Variants in CDC42BPA observed in about 807,000 individuals in gnomAD.
The protein encoded by CDC42BPA is CDC42 binding protein kinase alpha.
A neutral mutation model predicts 223.5 loss-of-function variants in CDC42BPA; 80 were observed. The ratio of observed to expected loss-of-function variants is 0.36; its 90% CI spans 0.30 to 0.43. The LOEUF is 0.43. CDC42BPA is among the 20% of genes least tolerant of loss of function. The pLI, the probability that CDC42BPA is intolerant of heterozygous loss-of-function variation, is 1.00. For synonymous variants in CDC42BPA, 694 were observed against 718.6 expected (o/e 0.97, Z 0.55); for missense variants, 1,743 against 2,099.9 (o/e 0.83, Z 3.32).
intron 1 of CDC42BPA, among the ~76,000 whole-genome samples, chr1:227,261,802 A>G (rs752998482): frequency 1.3e-5 from 2 of 152,038 alleles, no homozygotes; most frequent in African/African-American, 2.4e-5. Context: ...CCCTTTCCCC[A>G]TGTCAGGGAA....
intron 4 of CDC42BPA, among the ~76,000 whole-genome samples, chr1:227,197,842 T>G (rs1453001487): frequency 6.6e-6 from 1 of 152,164 alleles, no homozygotes; most frequent in African/African-American, 2.4e-5. Context: ...GTGTTTTAAT[T>G]TGTTCTTACA....
At chr1:227,207,028 C>A (rs1672861845) in intron 3 of CDC42BPA, among the ~76,000 whole-genome samples, 1 of 149,218 alleles carries the variant, frequency 6.7e-6, no homozygotes, top group Non-Finnish European at 1.5e-5. Flanking sequence ...TGTGCTGCAC[C>A]CATTAACTCG....
In CDC42BPA at chr1:226,994,324, G is replaced by A. The variant is rs748969764; in HGVS notation, c.5209C>T (p.Arg1737Ter). 13 of 1,598,636 alleles carry A rather than the reference G, an allele frequency of 8.1e-6. No individual in the cohort carries two copies. The highest frequency in any genetic ancestry group is 3.4e-5 in the South Asian group (3 of 88,648). The change falls in exon 37 of 37, where the codon CGA (arginine) becomes TGA (stop). Residue 1737 changes from arginine (R) to a stop codon, truncating the protein, a stop_gained. Coordinates refer to ENST00000366766, the MANE Select transcript of CDC42BPA (RefSeq NM_001394014.1). LOFTEE classifies it high-confidence loss of function. The surrounding 1 kb of genome is among the most constrained non-coding windows in gnomAD (Gnocchi z 4.0). ...LSSPPSPASP[R>*]KTKSLSLEST... ...TCCAGGGAGAGGCTCTTGGTTTTTC[G>A]GGGTGAAGCTGGGCTTGGGGGGCTG... is the stretch of plus-strand genomic sequence containing the variant.
intron 3 of CDC42BPA, among the ~76,000 whole-genome samples, chr1:227,204,925 A>C (rs1483483943): frequency 2.0e-5 from 3 of 150,368 alleles, no homozygotes; most frequent in Non-Finnish European, 3.0e-5. Context: ...AACAATCTAA[A>C]TTCCCATAAA....
At chr1:227,237,336 A>T (rs1039430758) in intron 2 of CDC42BPA, among the ~76,000 whole-genome samples, 1 of 152,186 alleles carries the variant, frequency 6.6e-6, no homozygotes, top group African/African-American at 2.4e-5. Context: ...CCCACTTATA[A>T]GTGTCACTCC....
chr1:227,266,549 T>C (rs1685035912), intron 1 of CDC42BPA, among the ~76,000 whole-genome samples: 1 of 152,216 alleles, frequency 6.6e-6, no homozygotes, highest in Non-Finnish European at 1.5e-5. Context: ...TTAAAAAATA[T>C]TAAGCATGAA....
At chr1:227,178,208 G>A (rs960296522) in intron 5 of CDC42BPA, 44 of 152,380 alleles carry the variant, frequency 2.9e-4, no homozygotes, top group African/African-American at 1.0e-3. Context: ...ATTCCCACAT[G>A]TTGTGGGAGG....
intron 5 of CDC42BPA, among the ~76,000 whole-genome samples, chr1:227,184,127 T>C (rs1381793194): frequency 6.6e-6 from 1 of 152,182 alleles, no homozygotes; most frequent in African/African-American, 2.4e-5. Flanking sequence ...ACAACTATTT[T>C]CTCCCACTTT....
intron 16 of CDC42BPA, among the ~76,000 whole-genome samples, chr1:227,085,513 T>C (rs1022211972): frequency 4.6e-5 from 7 of 152,270 alleles, no homozygotes; most frequent in African/African-American, 1.7e-4. Flanking sequence ...CAGGATTTTA[T>C]TGGTGTGCAT....
At chr1:227,203,712 TTCAGC>T (rs1672194496) in intron 3 of CDC42BPA, among the ~76,000 whole-genome samples, 1 of 152,224 alleles carries the variant, frequency 6.6e-6, no homozygotes, top group Non-Finnish European at 1.5e-5. Context: ...CATCCAAACA[TTCAGC>T]TTGCCACAGT....
chr1:227,106,595 T>C (rs755962594), intron 14 of CDC42BPA, among the ~76,000 whole-genome samples: 1 of 152,178 alleles, frequency 6.6e-6, no homozygotes, highest in Non-Finnish European at 1.5e-5. Context: ...CCTCCTCTTC[T>C]ATTTTAAAAA....
chr1:227,253,987 T>C (rs1054196776), intron 2 of CDC42BPA, 77 bp downstream of exon 2: 2 of 810,192 alleles, frequency 2.5e-6, no homozygotes, highest in African/African-American at 1.7e-5. Context: ...TAACAATACT[T>C]GTTAAATTCT....
chr1:227,315,703 G>C (rs1694257825), intron 1 of CDC42BPA, among the ~76,000 whole-genome samples: 1 of 151,986 alleles, frequency 6.6e-6, no homozygotes, highest in Non-Finnish European at 1.5e-5. Flanking sequence ...CAGTACCAAA[G>C]CCAAAATTGT....
At chr1:227,132,115 A>ACCCTCT (rs11278964) in intron 10 of CDC42BPA, among the ~76,000 whole-genome samples, 35 of 151,102 alleles carry the variant, frequency 2.3e-4, no homozygotes, top group Admixed American at 7.2e-4. Context: ...AAGAAATTCA[A>ACCCTCT]CCCTCTCCCT....
intron 1 of CDC42BPA, among the ~76,000 whole-genome samples, chr1:227,273,251 T>C (rs376645259): frequency 1.3e-5 from 2 of 150,264 alleles, no homozygotes; most frequent in Non-Finnish European, 3.0e-5. Context: ...TGAGTCGAGA[T>C]TGCACCACTG....
chr1:227,249,296 G>T (rs1467982094), intron 2 of CDC42BPA, among the ~76,000 whole-genome samples: 1 of 152,166 alleles, frequency 6.6e-6, no homozygotes, highest in African/African-American at 2.4e-5. Context: ...ATGGATTAAA[G>T]ATTTAAGTCT....
In CDC42BPA at chr1:227,171,238, A is replaced by G. The variant is rs1021766938; in HGVS notation, c.600-10602T>C. On this transcript the variant is annotated intron_variant, in intron 5 of 36. Coordinates refer to ENST00000366766, the MANE Select transcript of CDC42BPA (RefSeq NM_001394014.1). ...ACACTAATTAAAGTTTCTAAAATGA[A>G]TAATTTTCCTTGTCCCTAAACAAAA... is the stretch of plus-strand genomic sequence containing the variant. Among the ~76,000 whole-genome samples, 8 of 152,378 alleles carry G rather than the reference A, an allele frequency of 5.3e-5. No homozygotes were observed. The East Asian group carries it at 7.7e-4, about 15-fold the overall frequency.
At chr1:227,251,234 A>G (rs1572638921) in intron 2 of CDC42BPA, among the ~76,000 whole-genome samples, 1 of 81,142 alleles carries the variant, frequency 1.2e-5, no homozygotes, top group Non-Finnish European at 3.2e-5. Flanking sequence ...GACAGCAATG[A>G]AAAAAAAAAG....
intron 23 of CDC42BPA, among the ~76,000 whole-genome samples, chr1:227,041,043 A>G (rs528093850): frequency 6.6e-6 from 1 of 152,322 alleles, no homozygotes; most frequent in South Asian, 2.1e-4. Flanking sequence ...CTTATCTACA[A>G]AACAGGATAA....
Sources: gnomAD v4.1 joint callset for allele counts (sites outside exome capture counted in the v4.1 genomes callset) on GRCh38, gnomAD v4.1.1 for gene constraint, Gnocchi (gnomAD v3.1) non-coding constraint, MANE v1.5 for transcripts, NCBI Gene and HGNC (gene_info 2026-07-23, HGNC 2026-07-21) for gene names.